The following DTNA variants were observed in gnomAD, a reference collection of about 807,000 sequenced individuals.
The protein encoded by DTNA is dystrobrevin alpha.
In DTNA, 43 loss-of-function variants were observed where a neutral mutation model predicts 100.7. The observed-to-expected ratio is 0.43, with a 90% CI of 0.33 to 0.55. DTNA has a LOEUF of 0.55. DTNA is among the 20% of genes least tolerant of loss of function. The pLI is 0.04. For missense variants in DTNA, 798 were observed against 953.9 expected (o/e 0.84, Z 2.15); for synonymous variants, 349 against 347.9 (o/e 1.00, Z -0.04).
rs2095458192 is a variant in DTNA, at chr18:34,810,323, C to G, written c.449-1636C>G. 2.6e-5 allele frequency among the ~76,000 whole-genome samples: 4 copies of G among 152,132 alleles called. No homozygotes were observed. The South Asian group carries it at 8.3e-4, about 31-fold the overall frequency. ...TATCTCCCTCAGCATCTTCTGGACA[C>G]AACCTAAACTCCTCAGTACAATTCA... is the stretch of plus-strand genomic sequence containing the variant. On this transcript the variant is annotated intron_variant, in intron 5 of 22. Coordinates refer to ENST00000444659, the MANE Select transcript of DTNA (RefSeq NM_001386795.1).
intron 1 of DTNA, among the ~76,000 whole-genome samples, chr18:34,659,680 C>A (rs1324013769): frequency 6.6e-6 from 1 of 151,926 alleles, no homozygotes; most frequent in Non-Finnish European, 1.5e-5. Flanking sequence ...TGGGTTTTAA[C>A]AACCTATTCT....
At chr18:34,848,993 G>A (rs2096432334) in intron 14 of DTNA, among the ~76,000 whole-genome samples, 1 of 152,164 alleles carries the variant, frequency 6.6e-6, no homozygotes, top group Non-Finnish European at 1.5e-5. Flanking sequence ...TTCATGCTGA[G>A]CATTTAACCT....
chr18:34,551,578 C>G (rs1244183448), intron 1 of DTNA, among the ~76,000 whole-genome samples: 1 of 152,150 alleles, frequency 6.6e-6, no homozygotes, highest in Non-Finnish European at 1.5e-5. Flanking sequence ...CCAGGGAACT[C>G]ATTGCTGCAT....
intron 1 of DTNA, among the ~76,000 whole-genome samples, chr18:34,583,085 C>T (rs1283336492): frequency 6.6e-6 from 1 of 151,940 alleles, no homozygotes; most frequent in Non-Finnish European, 1.5e-5. Flanking sequence ...GATAGTTTTG[C>T]CTAGGAAGGA....
intron 1 of DTNA, among the ~76,000 whole-genome samples, chr18:34,607,351 A>T (rs1257036515): frequency 1.3e-5 from 2 of 152,194 alleles, no homozygotes; most frequent in Non-Finnish European, 2.9e-5. Context: ...AAGAATACAG[A>T]CTGAGGAGAA....
chr18:34,555,264 C>T (rs1397724027), intron 1 of DTNA, among the ~76,000 whole-genome samples: 2 of 147,180 alleles, frequency 1.4e-5, no homozygotes, highest in East Asian at 3.9e-4. Context: ...ATTCTTCTCT[C>T]TTTTTTTCTT....
intron 2 of DTNA, among the ~76,000 whole-genome samples, chr18:34,765,635 C>A (rs4145730): frequency 0.98 from 148,687 of 152,318 alleles, 72,672 homozygotes; most frequent in East Asian, 1. Context: ...TATATCATCT[C>A]GCTGTTTCAC....
chr18:34,507,112 A>T (rs1172482817), intron 1 of DTNA, among the ~76,000 whole-genome samples: 1 of 152,162 alleles, frequency 6.6e-6, no homozygotes, highest in Non-Finnish European at 1.5e-5. Flanking sequence ...CATGGACCAC[A>T]GGCAGGTACC....
chr18:34,602,625 C>A (rs867792935), intron 1 of DTNA, among the ~76,000 whole-genome samples: 8 of 151,898 alleles, frequency 5.3e-5, no homozygotes, highest in Non-Finnish European at 1.0e-4. Flanking sequence ...TGTCTGTAAT[C>A]CCAGCACATG....
rs563098251 is a variant in DTNA, at chr18:34,715,113, C to T, written c.-2+4668C>T. Among the ~76,000 whole-genome samples, 149 of 150,980 alleles carry T rather than the reference C, an allele frequency of 9.9e-4. No homozygotes were observed. The South Asian group carries it at 0.013, about 13-fold the overall frequency. ...GGGAGATATACCTAATGCTAGATGA[C>T]GAGTTAGTGGGTGCAGCACACCAGC... On this transcript the variant is annotated intron_variant, in intron 1 of 22. Coordinates refer to ENST00000444659, the MANE Select transcript of DTNA (RefSeq NM_001386795.1).
rs533686847 is a variant in DTNA, at chr18:34,497,103, C to A, written c.-2+3589C>A. On this transcript the variant is annotated intron_variant, in intron 1 of 19. Coordinates refer to the DTNA transcript ENST00000283365. ...AGGTTTAATGTAATATAGTCATTTT[C>A]TTTCTTTTCCTTGGCAACTACTTTC... Among the ~76,000 whole-genome samples, 7 of 152,276 alleles carry A rather than the reference C, an allele frequency of 4.6e-5. No individual in the cohort carries two copies. The South Asian group carries it at 1.5e-3, about 32-fold the overall frequency.
intron 6 of DTNA, among the ~76,000 whole-genome samples, chr18:34,813,391 C>A (rs975616582): frequency 6.6e-6 from 1 of 151,648 alleles, no homozygotes; most frequent in Non-Finnish European, 1.5e-5. Flanking sequence ...ATAGCTTAAG[C>A]CCGGATGGCG....
intron 1 of DTNA, among the ~76,000 whole-genome samples, chr18:34,681,080 T>TGAAGA (rs1441173349): frequency 3.3e-5 from 5 of 152,192 alleles, no homozygotes; most frequent in African/African-American, 4.8e-5. Flanking sequence ...GCTGCTGATC[T>TGAAGA]TCAATTTGAT....
At chr18:34,653,395 G>T (rs1386583039) in intron 1 of DTNA, among the ~76,000 whole-genome samples, 1 of 151,920 alleles carries the variant, frequency 6.6e-6, no homozygotes, top group African/African-American at 2.4e-5. Context: ...GTGATTCATA[G>T]TGACTACTAG....
chr18:34,889,557 T>C lies in DTNA; in HGVS notation c.*1823T>C. On this transcript the variant is annotated 3_prime_UTR_variant, in exon 23 of 23. Transcript: ENST00000444659. ...ACCCACACACCAAGTTCGTAGTTGGTAGGTGCCCAGCCAAGTCCTGACATC... is the reference window on the plus strand; with the variant it reads ...ACCCACACACCAAGTTCGTAGTTGGCAGGTGCCCAGCCAAGTCCTGACATC... The C allele has an allele frequency of 4.1e-6, 4 of 985,430 alleles. No homozygotes were observed. The highest frequency in any genetic ancestry group is 4.8e-6 in the Non-Finnish European group (4 of 829,942). 61.0% of individuals were successfully genotyped at this position (985,430 alleles called of 1,614,324 possible).
chr18:34,670,239 C>T (rs1035277480), intron 1 of DTNA, among the ~76,000 whole-genome samples: 1 of 152,210 alleles, frequency 6.6e-6, no homozygotes, highest in African/African-American at 2.4e-5. Context: ...GTGCATTCGT[C>T]ACGTAGTTCT....
intron 17 of DTNA, chr18:34,867,743 T>A (rs1429638760): frequency 5.1e-6 from 5 of 985,370 alleles, no homozygotes; most frequent in Non-Finnish European, 6.0e-6. Context: ...GACCAGGAAG[T>A]TCGTAAACAG....
chr18:34,710,180 A>C (rs1226362741), upstream of DTNA: 1 of 152,096 alleles, frequency 6.6e-6, no homozygotes, highest in Non-Finnish European at 1.5e-5. Flanking sequence ...GGGTGGGTGG[A>C]GGGGAAAAAA....
At chr18:34,692,119 C>A (rs2079858876) in intron 1 of DTNA, among the ~76,000 whole-genome samples, 1 of 152,106 alleles carries the variant, frequency 6.6e-6, no homozygotes, top group Non-Finnish European at 1.5e-5. Context: ...GTTCCTATAC[C>A]AAGTTCAGAA....
Sources: gnomAD v4.1 joint callset for allele counts (sites outside exome capture counted in the v4.1 genomes callset) on GRCh38, gnomAD v4.1.1 for gene constraint, MANE v1.5 for transcripts, NCBI Gene and HGNC (gene_info 2026-07-23, HGNC 2026-07-21) for gene names.